The following NAV3 variants were observed in gnomAD, a reference collection of about 807,000 sequenced individuals.
The protein encoded by NAV3 is pore membrane and/or filament interacting like protein 1.
In NAV3, 87 loss-of-function variants were observed where a neutral mutation model predicts 244.7. The observed-to-expected ratio is 0.36, with a 90% CI of 0.30 to 0.42. The LOEUF (loss-of-function observed/expected upper bound fraction) is 0.42. Ranked by LOEUF, NAV3 falls within the 20% of genes least tolerant of loss-of-function variation. The pLI is 1.00. For missense variants in NAV3, 2,663 were observed against 2,893.3 expected (o/e 0.92, Z 1.83); for synonymous variants, 1,126 against 1,042.2 (o/e 1.08, Z -1.55).
chr12:77,676,833 C>CA (rs200183288), intron 2 of NAV3, among the ~76,000 whole-genome samples: 16 of 151,406 alleles, frequency 1.1e-4, no homozygotes, highest in East Asian at 9.7e-4. Flanking sequence ...CCCTCCCCTC[C>CA]AAAAAAAACC....
intron 2 of NAV3, among the ~76,000 whole-genome samples, chr12:77,621,401 T>C (rs1871363966): frequency 1.3e-5 from 2 of 152,126 alleles, no homozygotes; most frequent in Non-Finnish European, 2.9e-5. Flanking sequence ...ACACTCACTT[T>C]GTTGAACTTC....
At chr12:78,016,343 A>G (rs1876211172) in intron 8 of NAV3, among the ~76,000 whole-genome samples, 1 of 152,166 alleles carries the variant, frequency 6.6e-6, no homozygotes, top group South Asian at 2.1e-4. Context: ...ATTCACATAT[A>G]CATACATTCA....
At chr12:77,762,154 C>A (rs1161834905) in intron 2 of NAV3, among the ~76,000 whole-genome samples, 1 of 152,154 alleles carries the variant, frequency 6.6e-6, no homozygotes, top group African/African-American at 2.4e-5. Context: ...TGGAAACCAT[C>A]ATTCTCAACA....
chr12:77,958,208 A>G (rs1891550128), intron 3 of NAV3, among the ~76,000 whole-genome samples: 1 of 152,190 alleles, frequency 6.6e-6, no homozygotes, highest in African/African-American at 2.4e-5. Context: ...GAAAATAGAC[A>G]ATCAGAAAAA....
chr12:77,680,132 T>C (rs1294951753), intron 2 of NAV3, among the ~76,000 whole-genome samples: 3 of 152,102 alleles, frequency 2.0e-5, no homozygotes, highest in Non-Finnish European at 4.4e-5. Context: ...GGGTATTGAC[T>C]GATGGAGGGA....
At chr12:77,800,665 G>A (rs967469066) in intron 2 of NAV3, among the ~76,000 whole-genome samples, 5 of 152,044 alleles carry the variant, frequency 3.3e-5, no homozygotes, top group Admixed American at 6.6e-5. Context: ...GCATCTTTAC[G>A]ACACACTGGA....
chr12:78,022,825 GACA>G (rs960475456), intron 9 of NAV3, among the ~76,000 whole-genome samples: 2 of 152,134 alleles, frequency 1.3e-5, no homozygotes, highest in African/African-American at 2.4e-5. Flanking sequence ...AGTGGATACT[GACA>G]ACAATTACAG....
At chr12:78,103,573 G>A (rs1026603005) in intron 12 of NAV3, among the ~76,000 whole-genome samples, 8 of 152,044 alleles carry the variant, frequency 5.3e-5, no homozygotes, top group Non-Finnish European at 1.2e-4. Context: ...TTGTTAGTCC[G>A]TTTTCACACT....
At chr12:77,856,466 C>T (rs1878412583) in intron 1 of NAV3, among the ~76,000 whole-genome samples, 1 of 152,076 alleles carries the variant, frequency 6.6e-6, no homozygotes, top group Non-Finnish European at 1.5e-5. Context: ...GGTGTAAAAA[C>T]ATACATGAGA....
intron 1 of NAV3, among the ~76,000 whole-genome samples, chr12:77,859,737 C>T (rs186270096): frequency 5.1e-5 from 5 of 98,322 alleles, no homozygotes; most frequent in African/African-American, 8.8e-5. Flanking sequence ...GTAAAACAAG[C>T]ATTTCCCATG....
At chr12:77,897,075 T>C (rs542011768) in intron 1 of NAV3, among the ~76,000 whole-genome samples, 2 of 152,312 alleles carry the variant, frequency 1.3e-5, no homozygotes, top group East Asian at 1.9e-4. Flanking sequence ...AAACACAATC[T>C]GCATTTGAAC....
At position 78,157,691 on chromosome 12, in the gene NAV3, CT is replaced by C. The variant is rs1024347278; in HGVS notation, c.4786-1504del. On this transcript the variant is annotated intron_variant, in intron 22 of 39. Transcript: ENST00000397909. ...ATTGAAAATTTTTTAAACTATGATA[CT>C]TTTTTTTAGTGGTATTTATCCAATT... Among the ~76,000 whole-genome samples, 17 of 151,690 alleles carry C rather than the reference CT, an allele frequency of 1.1e-4. No homozygotes were observed. In the South Asian group the frequency reaches 2.5e-3, roughly 22 times the overall value.
chr12:78,038,188 CAT>C (rs1199908021), intron 9 of NAV3, among the ~76,000 whole-genome samples: 2 of 152,188 alleles, frequency 1.3e-5, no homozygotes, highest in African/African-American at 4.8e-5. Context: ...AAACAGCTAA[CAT>C]GTGAACATTT....
intron 2 of NAV3, among the ~76,000 whole-genome samples, chr12:77,590,142 A>G (rs1379032824): frequency 6.6e-6 from 1 of 152,216 alleles, no homozygotes; most frequent in Non-Finnish European, 1.5e-5. Flanking sequence ...TTTCCATATC[A>G]TAAATGGCAA....
At chr12:77,621,213 A>G (rs1871356330) in intron 2 of NAV3, among the ~76,000 whole-genome samples, 2 of 152,298 alleles carry the variant, frequency 1.3e-5, no homozygotes, top group Admixed American at 6.5e-5. Flanking sequence ...TAGATCAAGC[A>G]CTGTTAAATC....
At chr12:77,932,158 G>T (rs1044080737) in intron 1 of NAV3, among the ~76,000 whole-genome samples, 1 of 151,960 alleles carries the variant, frequency 6.6e-6, no homozygotes, top group African/African-American at 2.4e-5. Flanking sequence ...TCAGTTGCTG[G>T]GGTCTCAACA....
intron 1 of NAV3, among the ~76,000 whole-genome samples, chr12:77,880,724 A>T (rs1424514790): frequency 6.6e-6 from 1 of 152,172 alleles, no homozygotes; most frequent in African/African-American, 2.4e-5. Flanking sequence ...GGATACACAA[A>T]GCTTCCCATG....
upstream of NAV3, among the ~76,000 whole-genome samples, chr12:77,829,412 T>A (rs1389555038): frequency 2.0e-5 from 3 of 152,256 alleles, no homozygotes; most frequent in African/African-American, 7.2e-5. Context: ...GTGAACTTCC[T>A]AGAATCAATT....
intron 2 of NAV3, among the ~76,000 whole-genome samples, chr12:77,715,080 A>T (rs1876299196): frequency 6.6e-6 from 1 of 152,028 alleles, no homozygotes; most frequent in Non-Finnish European, 1.5e-5. Flanking sequence ...AAGTTGTAAA[A>T]GCAAGAACTA....
Sources: gnomAD v4.1 joint callset for allele counts (sites outside exome capture counted in the v4.1 genomes callset) on GRCh38, gnomAD v4.1.1 for gene constraint, MANE v1.5 for transcripts, NCBI Gene and HGNC (gene_info 2026-07-23, HGNC 2026-07-21) for gene names.